AFF3: variants seen among roughly 807,000 people sequenced by gnomAD.
AFF3 encodes the protein ALF transcription elongation factor 3.
In AFF3, 32 loss-of-function variants were observed where a neutral mutation model predicts 129.7. That is an observed-to-expected ratio of 0.25 (90% CI 0.19 to 0.33). The LOEUF (loss-of-function observed/expected upper bound fraction) is 0.33. AFF3 is among the 10% of genes least tolerant of loss of function. AFF3 has a pLI of 1.00. For missense variants in AFF3, 1,373 were observed against 1,592.0 expected (o/e 0.86, Z 2.34); for synonymous variants, 644 against 635.4 (o/e 1.01, Z -0.20).
chr2:99,650,001 CA>C (rs1376964891), intron 12 of AFF3, among the ~76,000 whole-genome samples: 1 of 152,178 alleles, frequency 6.6e-6, no homozygotes, highest in East Asian at 1.9e-4. Flanking sequence ...ATCACTTTCC[CA>C]TTGCTTTATT....
chr2:99,897,897 T>C (rs1489202764), intron 7 of AFF3, among the ~76,000 whole-genome samples: 1 of 152,196 alleles, frequency 6.6e-6, no homozygotes, highest in African/African-American at 2.4e-5. Flanking sequence ...GCCCCAGAAC[T>C]CTAATGCAAA....
intron 7 of AFF3, among the ~76,000 whole-genome samples, chr2:99,890,061 G>A (rs1044353075): frequency 1.3e-5 from 2 of 152,180 alleles, no homozygotes; most frequent in Non-Finnish European, 2.9e-5. Flanking sequence ...AAATAGGAGG[G>A]CTCTCTGTTT....
At chr2:99,738,143 C>T (rs892516915) in intron 10 of AFF3, among the ~76,000 whole-genome samples, 18 of 152,052 alleles carry the variant, frequency 1.2e-4, no homozygotes, top group African/African-American at 3.4e-4. Context: ...TTTGTTCTTG[C>T]TCTTGCTCGT....
intron 8 of AFF3, among the ~76,000 whole-genome samples, chr2:99,817,270 G>T (rs1165659815): frequency 6.6e-6 from 1 of 152,198 alleles, no homozygotes; most frequent in African/African-American, 2.4e-5. Flanking sequence ...TCTCCTGCGA[G>T]CCCATGTTCA....
At chr2:99,600,197 C>T (rs1679685523) in intron 14 of AFF3, among the ~76,000 whole-genome samples, 1 of 152,068 alleles carries the variant, frequency 6.6e-6, no homozygotes, top group Non-Finnish European at 1.5e-5. Flanking sequence ...AGAGACTGAA[C>T]CTCATGGGAA....
chr2:99,605,553 C>T (rs566882487), intron 13 of AFF3, among the ~76,000 whole-genome samples: 43 of 152,284 alleles, frequency 2.8e-4, no homozygotes, highest in African/African-American at 6.0e-4. Context: ...GCTCCCACCA[C>T]GGGTGCTTGC....
chr2:99,892,300 T>C (rs1041535099), intron 7 of AFF3, among the ~76,000 whole-genome samples: 2 of 152,246 alleles, frequency 1.3e-5, no homozygotes, highest in African/African-American at 4.8e-5. Context: ...CATTACAAAA[T>C]TCATTACACT....
intron 8 of AFF3, among the ~76,000 whole-genome samples, chr2:99,793,598 A>G (rs1263829862): frequency 1.3e-5 from 2 of 152,318 alleles, no homozygotes; most frequent in East Asian, 3.9e-4. Flanking sequence ...TTATTCTTCT[A>G]ATGTTTGTAA....
chr2:99,849,720 T>C (rs1353703782), intron 7 of AFF3, among the ~76,000 whole-genome samples: 1 of 152,158 alleles, frequency 6.6e-6, no homozygotes, highest in Non-Finnish European at 1.5e-5. Context: ...GCAACAAGAG[T>C]TCACAAGAAC....
chr2:100,085,093 T>C (rs1689315004), intron 4 of AFF3, among the ~76,000 whole-genome samples: 2 of 151,264 alleles, frequency 1.3e-5, no homozygotes, highest in African/African-American at 4.9e-5. Flanking sequence ...TATGATTTGA[T>C]GATAAACTAA....
At chr2:99,588,634 T>C (rs937639029) in intron 15 of AFF3, among the ~76,000 whole-genome samples, 3 of 152,194 alleles carry the variant, frequency 2.0e-5, no homozygotes, top group Non-Finnish European at 4.4e-5. Context: ...AGACTCTGAC[T>C]TTCTCGCTCT....
chr2:99,928,010 A>G (rs62147651), intron 7 of AFF3, among the ~76,000 whole-genome samples: 36,306 of 152,086 alleles, frequency 0.24, 4,679 homozygotes, highest in Non-Finnish European at 0.29. Flanking sequence ...GAGTTCCCCT[A>G]CACAAGCTCT....
intron 2 of AFF3, chr2:100,106,835 C>T (rs1456779340): frequency 6.1e-6 from 6 of 985,358 alleles, no homozygotes; most frequent in Non-Finnish European, 7.2e-6. Context: ...TTGCCCTCAC[C>T]ATGGAGGCTG....
At chr2:99,575,831 G>C (rs933026793) in intron 18 of AFF3, among the ~76,000 whole-genome samples, 1 of 152,264 alleles carries the variant, frequency 6.6e-6, no homozygotes, top group South Asian at 2.1e-4. Flanking sequence ...AAGAACAAAT[G>C]ATAACAGCCT....
intron 8 of AFF3, among the ~76,000 whole-genome samples, chr2:99,764,921 C>CA (rs143480408): frequency 0.051 from 7,573 of 148,550 alleles, 229 homozygotes; most frequent in African/African-American, 0.088. Flanking sequence ...TTTTGACAAG[C>CA]AAAAAAAAAA....
Position 99,551,171 on chromosome 2 carries a change from T to C in AFF3, c.*303A>G. ...AGTGTACGGTGTGTGTGTGTGTGTG[T>C]GTGTGTGTGTGTACTTCCTCTAGTC... On this transcript the variant is annotated 3_prime_UTR_variant, in exon 25 of 25. Coordinates refer to ENST00000672756, the MANE Select transcript of AFF3 (RefSeq NM_001386135.1). The C allele has an allele frequency of 1.9e-6, 1 of 531,206 alleles. No homozygotes were observed. The highest frequency in any genetic ancestry group is 3.4e-6 in the Non-Finnish European group (1 of 297,530). The allele number at this position is 531,206 out of a possible 1,614,324, so 32.9% of individuals were successfully genotyped here.
At chr2:99,964,783 T>C (rs1203631871) in intron 7 of AFF3, among the ~76,000 whole-genome samples, 2 of 152,216 alleles carry the variant, frequency 1.3e-5, no homozygotes, top group Non-Finnish European at 2.9e-5. Flanking sequence ...AAGGGCAACA[T>C]AAGGGATCTT....
rs140748902 is a variant in AFF3 at position 100,082,600 on chromosome 2, G to A, written c.53+21802C>T. Among the ~76,000 whole-genome samples the A allele has an allele frequency of 2.3e-3, 346 of 152,274 alleles. 1 individual carries two copies. The highest frequency in any genetic ancestry group is 7.8e-3 in the African/African-American group (324 of 41,548). ...GTGCACTGCCATCAGTTACGTTAAA[G>A]CTGTTGTGTGATAAATTTGAATATT... is the stretch of plus-strand genomic sequence containing the variant. On this transcript the variant is annotated intron_variant, in intron 4 of 24. Transcript: ENST00000672756.
At chr2:99,986,358 C>T (rs941240357) in intron 7 of AFF3, among the ~76,000 whole-genome samples, 3 of 151,894 alleles carry the variant, frequency 2.0e-5, no homozygotes, top group African/African-American at 7.2e-5. Context: ...TGCGTTTACA[C>T]ACCTTTATGA....
Sources: allele counts gnomAD v4.1 joint callset (sites outside exome capture counted in the v4.1 genomes callset), GRCh38; gene constraint gnomAD v4.1.1; transcripts MANE v1.5; gene names NCBI Gene and HGNC (gene_info 2026-07-23, HGNC 2026-07-21).